Variants in ADRA1B observed in about 807,000 individuals in gnomAD.
ADRA1B encodes adrenoceptor alpha 1B.
Under a neutral mutation model 17.9 loss-of-function variants are expected in ADRA1B, and 17 were observed. The ratio of observed to expected loss-of-function variants is 0.95; its 90% confidence interval spans 0.65 to 1.42. The LOEUF is 1.42. Among genes scored for constraint, ADRA1B ranks in the 40% most tolerant of loss-of-function variants. The pLI, the probability that ADRA1B is intolerant of heterozygous loss-of-function variation, is 0.00. For synonymous variants in ADRA1B, 366 were observed against 327.6 expected (o/e 1.12, Z -1.27); for missense variants, 681 against 722.1 (o/e 0.94, Z 0.65).
chr5:159,948,976 A>C (rs943171996), intron 1 of ADRA1B, among the ~76,000 whole-genome samples: 1 of 152,214 alleles, frequency 6.6e-6, no homozygotes, highest in African/African-American at 2.4e-5. Flanking sequence ...AGTCCTAGAG[A>C]GAGGTTAAGT....
chr5:159,918,631 G>C (rs1375423509), intron 1 of ADRA1B, among the ~76,000 whole-genome samples: 2 of 152,246 alleles, frequency 1.3e-5, no homozygotes, highest in African/African-American at 4.8e-5. Flanking sequence ...ATCCTGGTAA[G>C]ATGGAATTCA....
chr5:159,958,990 C>A (rs1031971009), intron 1 of ADRA1B, among the ~76,000 whole-genome samples: 7 of 152,334 alleles, frequency 4.6e-5, no homozygotes, highest in African/African-American at 1.7e-4. Flanking sequence ...AAAGGTAGCT[C>A]CCCTACTGGA....
chr5:159,972,038 G>T lies in ADRA1B; in HGVS notation c.1109G>T (p.Arg370Leu). The T allele has an allele frequency of 7.2e-7, 1 of 1,387,814 alleles. No individual in the cohort carries two copies. Among genetic ancestry groups the T allele is most frequent in the Non-Finnish European group, 9.3e-7 (1 of 1,071,060 alleles). The allele number at this position is 1,387,814 out of a possible 1,614,324, so 86.0% of individuals were successfully genotyped here. The part of the protein sequence containing the change: ...VRILGCQCRG[R>L]GRRRRRRRRR... Reference sequence around the variant, plus strand: ...ATCCTCGGGTGCCAGTGCCGCGGCCGCGGCCGCCGCCGACGCCGCCGCCGC... The same window carrying T: ...ATCCTCGGGTGCCAGTGCCGCGGCCTCGGCCGCCGCCGACGCCGCCGCCGC... The change falls in exon 2 of 2, where the codon CGC becomes CTC. Residue 370 changes from arginine (R) to leucine (L), a missense_variant. By Grantham distance (102) the Arg-to-Leu change is moderately radical. Coordinates refer to ENST00000306675, the MANE Select transcript of ADRA1B (RefSeq NM_000679.4).
At chr5:159,987,005 AC>A in the ADRA1B span, among the ~76,000 whole-genome samples, 2 of 152,098 alleles carry the variant, frequency 1.3e-5, no homozygotes, top group African/African-American at 4.8e-5. Flanking sequence ...GGTCCCTAGA[AC>A]CCAGGATGGC....
At chr5:159,973,484 C>T (rs1039575533), downstream of ADRA1B, among the ~76,000 whole-genome samples, 6 of 152,168 alleles carry the variant, frequency 3.9e-5, no homozygotes, top group Admixed American at 3.3e-4. Flanking sequence ...GGGCTGGTTC[C>T]CTTCCCCTCA....
intron 1 of ADRA1B, among the ~76,000 whole-genome samples, chr5:159,883,718 T>C (rs1466396493): frequency 6.6e-6 from 1 of 152,214 alleles, no homozygotes; most frequent in Non-Finnish European, 1.5e-5. Flanking sequence ...TCCCTGATGA[T>C]GCAAATGGAA....
chr5:159,916,279 C>G (rs1754299103), upstream of ADRA1B: 1 of 152,250 alleles, frequency 6.6e-6, no homozygotes, highest in Admixed American at 6.5e-5. Context: ...GATCTCCACG[C>G]CCAGGTCCCG....
intron 1 of ADRA1B, among the ~76,000 whole-genome samples, chr5:159,892,442 G>A (rs992726450): frequency 6.6e-6 from 1 of 152,140 alleles, no homozygotes; most frequent in Non-Finnish European, 1.5e-5. Flanking sequence ...TAGGTATTAA[G>A]CCCAGCATCC....
intron 1 of ADRA1B, among the ~76,000 whole-genome samples, chr5:159,891,667 A>G (rs775303834): frequency 3.9e-5 from 6 of 152,132 alleles, no homozygotes; most frequent in Non-Finnish European, 8.8e-5. Flanking sequence ...TCAGTGATTC[A>G]TTGTTGAGAA....
At chr5:159,986,895 C>A in the ADRA1B span, among the ~76,000 whole-genome samples, 1 of 152,170 alleles carries the variant, frequency 6.6e-6, no homozygotes. Flanking sequence ...TAACAGGGTC[C>A]ACTTTGCTAA....
chr5:159,980,289 C>T, the ADRA1B span, among the ~76,000 whole-genome samples: 1 of 152,100 alleles, frequency 6.6e-6, no homozygotes, highest in East Asian at 1.9e-4. Context: ...ACAGGCTGAA[C>T]AGGTACAATA....
intron 1 of ADRA1B, among the ~76,000 whole-genome samples, chr5:159,893,531 G>T (rs1754009101): frequency 6.6e-6 from 1 of 152,214 alleles, no homozygotes. Context: ...AGACATACAT[G>T]CAGGGACCTC....
intron 1 of ADRA1B, among the ~76,000 whole-genome samples, chr5:159,919,661 C>T (rs1242934793): frequency 1.3e-5 from 2 of 152,262 alleles, no homozygotes; most frequent in Non-Finnish European, 2.9e-5. Context: ...GCCAATCCCA[C>T]ACCTGTTACT....
chr5:159,893,731 C>G (rs950305761), intron 1 of ADRA1B, among the ~76,000 whole-genome samples: 1 of 152,180 alleles, frequency 6.6e-6, no homozygotes, highest in East Asian at 1.9e-4. Flanking sequence ...GGAAGGTGGG[C>G]AGACAGGCAG....
intron 1 of ADRA1B, chr5:159,870,050 G>C (rs1215600442): frequency 6.6e-6 from 1 of 152,086 alleles, no homozygotes; most frequent in Non-Finnish European, 1.5e-5. Flanking sequence ...GGGTGTAAAA[G>C]ACAGTAAACA....
At chr5:159,884,432 G>A (rs1753901099) in intron 1 of ADRA1B, among the ~76,000 whole-genome samples, 2 of 152,190 alleles carry the variant, frequency 1.3e-5, no homozygotes, top group South Asian at 2.1e-4. Context: ...AATTGGATGA[G>A]TTTGTCCCCC....
At chr5:159,901,736 C>A (rs941274408) in intron 1 of ADRA1B, among the ~76,000 whole-genome samples, 2 of 151,994 alleles carry the variant, frequency 1.3e-5, no homozygotes, top group South Asian at 4.2e-4. Flanking sequence ...ATGCAAATGG[C>A]CAACAAGCAT....
chr5:159,968,201 C>A (rs1451715812), intron 1 of ADRA1B, among the ~76,000 whole-genome samples: 1 of 151,996 alleles, frequency 6.6e-6, no homozygotes, highest in Non-Finnish European at 1.5e-5. Context: ...GTCTCTTGAT[C>A]CAAAAAAATG....
chr5:159,956,749 C>T (rs1755556619), intron 1 of ADRA1B, among the ~76,000 whole-genome samples: 1 of 152,170 alleles, frequency 6.6e-6, no homozygotes, highest in Admixed American at 6.5e-5. Context: ...GCCAGTTTTC[C>T]ACCCAAAATT....
Sources: gnomAD v4.1 joint callset for allele counts (sites outside exome capture counted in the v4.1 genomes callset) on GRCh38, gnomAD v4.1.1 for gene constraint, MANE v1.5 for transcripts, NCBI Gene and HGNC (gene_info 2026-07-23, HGNC 2026-07-21) for gene names.